The following TDRD1 variants were observed in gnomAD, a reference collection of about 807,000 sequenced individuals.
The protein encoded by TDRD1 is tudor domain-containing protein 1.
TDRD1 carries 37 observed loss-of-function variants against 140.6 expected under a neutral mutation model. The ratio of observed to expected loss-of-function variants is 0.26; its 90% CI spans 0.20 to 0.35. The LOEUF is 0.35. TDRD1 is among the 10% of genes least tolerant of loss of function. The pLI, the probability that TDRD1 is intolerant of heterozygous loss-of-function variation, is 1.00. For synonymous variants in TDRD1, 506 were observed against 475.7 expected, an observed-to-expected ratio of 1.06 and a Z score of -0.83; for missense variants, 1,243 against 1,393.0, an observed-to-expected ratio of 0.89 and a Z score of 1.71.
rs2036276035 is a variant in TDRD1, at chr10:114,223,651, TCTA to T, written c.3007+949_3007+951del. Reference sequence around the variant, plus strand: ...TCCAGGATAAATCACAATTTTTGGTTCTATAAGTATTCTGCCTTACTTCATTAG... The same window carrying T: ...TCCAGGATAAATCACAATTTTTGGTTTAAGTATTCTGCCTTACTTCATTAG... On this transcript the variant is annotated intron_variant, in intron 21 of 25. Transcript: ENST00000251864. 1.3e-5 allele frequency among the ~76,000 whole-genome samples: 2 copies of T among 152,242 alleles called. 1 individual carries two copies. The highest frequency in any genetic ancestry group is 4.1e-4 in the South Asian group (2 of 4,836).
At chr10:114,227,610 G>A (rs1299077965) in intron 23 of TDRD1, among the ~76,000 whole-genome samples, 1 of 152,178 alleles carries the variant, frequency 6.6e-6, no homozygotes, top group African/African-American at 2.4e-5. Context: ...TGATCAAACT[G>A]AGAAGTCATA....
chr10:114,181,572 G>T (rs1292250587), intron 1 of TDRD1, among the ~76,000 whole-genome samples: 2 of 152,172 alleles, frequency 1.3e-5, no homozygotes, highest in African/African-American at 4.8e-5. Flanking sequence ...AAAAATTCAC[G>T]GCCCAGTGCG....
intron 4 of TDRD1, among the ~76,000 whole-genome samples, chr10:114,201,104 C>A (rs1042088349): frequency 6.6e-6 from 1 of 151,942 alleles, no homozygotes; most frequent in Non-Finnish European, 1.5e-5. Flanking sequence ...GATTCACCTG[C>A]CTCAGCCGCC....
intron 21 of TDRD1, among the ~76,000 whole-genome samples, chr10:114,225,463 A>G (rs900612693): frequency 2.0e-5 from 3 of 151,832 alleles, no homozygotes; most frequent in Non-Finnish European, 4.4e-5. Context: ...TTGAGCTACC[A>G]TGGCTCTACT....
chr10:114,192,362 G>T (rs1339149760), intron 3 of TDRD1, among the ~76,000 whole-genome samples: 4 of 134,402 alleles, frequency 3.0e-5, no homozygotes, highest in Non-Finnish European at 6.1e-5. Context: ...GGAGTGCAGT[G>T]GCGCGATCTC....
At chr10:114,216,991 C>CT (rs770610720) in intron 16 of TDRD1, among the ~76,000 whole-genome samples, 4 of 152,358 alleles carry the variant, frequency 2.6e-5, no homozygotes, top group Non-Finnish European at 5.9e-5. Flanking sequence ...CCAGTGGCCA[C>CT]TTCTCCACTT....
upstream of TDRD1, among the ~76,000 whole-genome samples, chr10:114,177,149 A>G (rs1012211536): frequency 6.6e-6 from 1 of 152,248 alleles, no homozygotes; most frequent in Non-Finnish European, 1.5e-5. Flanking sequence ...TGGAGAAGAG[A>G]CAAATCTCCC....
chr10:114,209,722 C>G (rs1466243152), intron 11 of TDRD1, among the ~76,000 whole-genome samples: 1 of 152,180 alleles, frequency 6.6e-6, no homozygotes, highest in Non-Finnish European at 1.5e-5. Context: ...TCCCAGCCTC[C>G]CCTTTGTCTT....
intron 1 of TDRD1, among the ~76,000 whole-genome samples, chr10:114,182,812 G>A (rs938636102): frequency 1.3e-5 from 2 of 151,738 alleles, no homozygotes; most frequent in East Asian, 1.9e-4. Flanking sequence ...AGCCTCCCGA[G>A]TAGCTGGGAC....
chr10:114,208,740 G>A (rs899607472), intron 11 of TDRD1, among the ~76,000 whole-genome samples: 1 of 151,736 alleles, frequency 6.6e-6, no homozygotes, highest in Non-Finnish European at 1.5e-5. Context: ...TACTTGCTTA[G>A]TATGGCATCT....
intron 7 of TDRD1, 22 bp downstream of exon 7, chr10:114,203,198 C>G (rs746826611): frequency 6.4e-7 from 1 of 1,562,364 alleles, no homozygotes; most frequent in Non-Finnish European, 8.8e-7. Context: ...TCTTCAATCT[C>G]CATAGACACA....
chr10:114,219,155 A>G (rs2133135727), intron 18 of TDRD1, among the ~76,000 whole-genome samples: 1 of 152,338 alleles, frequency 6.6e-6, no homozygotes, highest in African/African-American at 2.4e-5. Flanking sequence ...GATATGAAGA[A>G]TTGTTCATGA....
chr10:114,230,092 A>G (rs1288205426), intron 25 of TDRD1, among the ~76,000 whole-genome samples: 1 of 152,160 alleles, frequency 6.6e-6, no homozygotes, highest in African/African-American at 2.4e-5. Flanking sequence ...CGGCCTCCCA[A>G]AGTGCTGGGA....
intron 1 of TDRD1, among the ~76,000 whole-genome samples, chr10:114,185,336 C>T (rs894734423): frequency 1.3e-5 from 2 of 149,730 alleles, no homozygotes; most frequent in South Asian, 2.1e-4. Flanking sequence ...ACTACAGGTG[C>T]GTGCCACCAC....
chr10:114,228,322 T>C, intron 25 of TDRD1: 1 of 1,354,358 alleles, frequency 7.4e-7, no homozygotes, highest in Non-Finnish European at 9.5e-7. Flanking sequence ...TTGCTACTGC[T>C]AATGGAACTG....
intron 3 of TDRD1, among the ~76,000 whole-genome samples, chr10:114,193,458 A>G (rs1205711205): frequency 6.6e-6 from 1 of 151,676 alleles, no homozygotes; most frequent in African/African-American, 2.4e-5. Context: ...ATACTTGGCT[A>G]ATTTTTGTAT....
intron 4 of TDRD1, among the ~76,000 whole-genome samples, chr10:114,200,624 G>A (rs7894260): frequency 0.26 from 38,960 of 151,782 alleles, 5,301 homozygotes; most frequent in African/African-American, 0.33. Context: ...CCTGGGTTCA[G>A]GCGATTCTCC....
At chr10:114,204,547 G>A (rs1358758033) in intron 9 of TDRD1, among the ~76,000 whole-genome samples, 175 bp from the exon 10 acceptor site, 1 of 152,082 alleles carries the variant, frequency 6.6e-6, no homozygotes, top group Non-Finnish European at 1.5e-5. Flanking sequence ...TAAGCGTTAT[G>A]AATACAGTAC....
chr10:114,192,653 A>C (rs2034070230), intron 3 of TDRD1, among the ~76,000 whole-genome samples: 1 of 152,152 alleles, frequency 6.6e-6, no homozygotes, highest in African/African-American at 2.4e-5. Context: ...TTTTAAGTTA[A>C]GAAACTTAAG....
Sources: gnomAD v4.1 joint callset for allele counts (sites outside exome capture counted in the v4.1 genomes callset) on GRCh38, gnomAD v4.1.1 for gene constraint, MANE v1.5 for transcripts, NCBI Gene and HGNC (gene_info 2026-07-23, HGNC 2026-07-21) for gene names.